Variants in SNX2 observed in about 807,000 individuals in gnomAD.
The protein encoded by SNX2 is sorting nexin-2.
SNX2 carries 25 observed loss-of-function variants against 69.9 expected under a neutral mutation model. The ratio of observed to expected loss-of-function variants is 0.36; its 90% CI spans 0.26 to 0.50. The LOEUF is 0.50. SNX2 is among the 20% of genes least tolerant of loss of function. SNX2 has a pLI of 0.97. For missense variants in SNX2, 551 were observed against 613.3 expected (o/e 0.90, Z 1.07); for synonymous variants, 229 against 200.4 (o/e 1.14, Z -1.20).
chr5:122,829,680 G>GGGCCGGGCGCGGTGGCTC lies in SNX2; in HGVS notation c.*32_*33insGGCCGGGCGCGGTGGCTC. ...GATTGTTGCCGTTAAGAAGACCTTG[G>GGGCCGGGCGCGGTGGCTC]ATGTTGTTCCAGTTATGCTGGATTC... On this transcript the variant is annotated 3_prime_UTR_variant, in exon 15 of 15. Coordinates refer to ENST00000379516, the MANE Select transcript of SNX2 (RefSeq NM_003100.4). The GGGCCGGGCGCGGTGGCTC allele has an allele frequency of 6.3e-7, 1 of 1,590,328 alleles. No individual in the cohort carries two copies. The highest frequency in any genetic ancestry group is 8.6e-7 in the Non-Finnish European group (1 of 1,158,694).
chr5:122,795,242 C>A, intron 1 of SNX2, 24 bp from the exon 2 acceptor site: 2 of 1,432,848 alleles, frequency 1.4e-6, no homozygotes, highest in South Asian at 1.2e-5. Context: ...CAATCCATTA[C>A]CTATTATTGT....
At chr5:122,817,701 C>CG (rs1284941285) in intron 10 of SNX2, among the ~76,000 whole-genome samples, 1 of 151,914 alleles carries the variant, frequency 6.6e-6, no homozygotes, top group Non-Finnish European at 1.5e-5. Flanking sequence ...AGTATAGTTA[C>CG]AGTTAAATGG....
rs1561470776 is a variant in SNX2, at chr5:122,817,267, A to T, written c.913-13A>T. On this transcript the variant is annotated splice_polypyrimidine_tract_variant and intron_variant, in intron 9 of 14. Coordinates refer to ENST00000379516, the MANE Select transcript of SNX2 (RefSeq NM_003100.4). ...TCTTCCTAAATTAGCTCCATTTTTC[A>T]TTTTTTTCTTAGTGGTTTGAAGAAA... is the stretch of plus-strand genomic sequence containing the variant. 6 of 1,610,866 alleles carry T rather than the reference A, an allele frequency of 3.7e-6. No individual in the cohort carries two copies. The South Asian group carries it at 5.5e-5, about 15-fold the overall frequency.
At chr5:122,820,595 A>G (rs1754002073) in intron 11 of SNX2, among the ~76,000 whole-genome samples, 2 of 151,984 alleles carry the variant, frequency 1.3e-5, no homozygotes, top group Admixed American at 1.3e-4. Context: ...ACCCCCTGGC[A>G]GTGATGGCCT....
chr5:122,789,641 T>A (rs1314258407), intron 1 of SNX2, among the ~76,000 whole-genome samples: 1 of 152,142 alleles, frequency 6.6e-6, no homozygotes, highest in African/African-American at 2.4e-5. Context: ...AAACAGGGAT[T>A]TATTCATATA....
intron 11 of SNX2, among the ~76,000 whole-genome samples, chr5:122,820,648 A>G (rs1292347227): frequency 6.6e-6 from 1 of 152,144 alleles, no homozygotes; most frequent in Non-Finnish European, 1.5e-5. Context: ...AGCTTTCCTC[A>G]TACCCTAAGT....
intron 1 of SNX2, chr5:122,775,514 C>A (rs568601186): frequency 9.2e-7 from 1 of 1,092,062 alleles, no homozygotes; most frequent in Non-Finnish European, 1.1e-6. Flanking sequence ...GTCTCTTGCA[C>A]GTCCTCCTCT....
intron 14 of SNX2, 175 bp downstream of exon 14, chr5:122,827,821 G>GT (rs5871011): frequency 0.062 from 27,365 of 444,248 alleles, 84 homozygotes; most frequent in South Asian, 0.094. Flanking sequence ...TATCTCACGT[G>GT]TTTTTTTTTT....
chr5:122,824,172 A>T (rs1371140153), intron 11 of SNX2, among the ~76,000 whole-genome samples: 1 of 148,800 alleles, frequency 6.7e-6, no homozygotes, highest in South Asian at 2.1e-4. Flanking sequence ...ACTGCACTCC[A>T]GCCTGGGCAA....
chr5:122,812,216 C>G (rs114146519), intron 7 of SNX2, among the ~76,000 whole-genome samples: 1,802 of 152,258 alleles, frequency 0.012, 43 homozygotes, highest in African/African-American at 0.041. Flanking sequence ...CCCCATGCCC[C>G]CATTTTACTC....
chr5:122,821,084 A>G (rs1304133549), intron 11 of SNX2, among the ~76,000 whole-genome samples: 1 of 152,230 alleles, frequency 6.6e-6, no homozygotes, highest in Non-Finnish European at 1.5e-5. Flanking sequence ...ATATTATGGA[A>G]GGAGGTGACA....
intron 10 of SNX2, 22 bp downstream of exon 10, chr5:122,817,395 C>T (rs372930896): frequency 1.7e-5 from 25 of 1,457,556 alleles, no homozygotes; most frequent in Admixed American, 5.1e-5. Flanking sequence ...TTACTACTTA[C>T]GTAGTTAGCA....
At chr5:122,790,853 C>T (rs993928658) in intron 1 of SNX2, among the ~76,000 whole-genome samples, 6 of 152,120 alleles carry the variant, frequency 3.9e-5, no homozygotes, top group Admixed American at 6.5e-5. Context: ...CCTTTTACTT[C>T]CTTTTCTTGT....
intron 14 of SNX2, 35 bp downstream of exon 14, chr5:122,827,681 A>T (rs780597165): frequency 1.3e-6 from 2 of 1,491,182 alleles, no homozygotes; most frequent in Non-Finnish European, 1.9e-6. Flanking sequence ...AAACTTCTAG[A>T]ATTTGTTTTT....
rs767140075 is a variant in SNX2, at chr5:122,801,951, T to C, written c.457+16T>C. 1.8e-5 allele frequency: 29 copies of C among 1,572,572 alleles called. No individual in the cohort carries two copies. The highest frequency in any genetic ancestry group is 6.8e-5 in the Admixed American group (4 of 59,076). ...GAAAAAGTTGGTGAGTCAATACTTA[T>C]TATATTTTGTATTTACTTTTTATTA... is the stretch of plus-strand genomic sequence containing the variant. On this transcript the variant is annotated intron_variant, in intron 4 of 14. Transcript: ENST00000379516.
At chr5:122,790,824 C>T (rs1753216740) in intron 1 of SNX2, among the ~76,000 whole-genome samples, 1 of 152,172 alleles carries the variant, frequency 6.6e-6, no homozygotes, top group South Asian at 2.1e-4. Context: ...GCAGTTGTTC[C>T]TTCTTCCCAG....
intron 7 of SNX2, among the ~76,000 whole-genome samples, chr5:122,812,352 T>C (rs1022105249): frequency 1.3e-5 from 2 of 149,178 alleles, no homozygotes; most frequent in Non-Finnish European, 3.0e-5. Flanking sequence ...ACTAACCTTT[T>C]GCTGCTTCTC....
intron 1 of SNX2, among the ~76,000 whole-genome samples, chr5:122,776,786 G>T (rs74979782): frequency 0.015 from 2,271 of 152,244 alleles, 23 homozygotes; most frequent in Non-Finnish European, 0.019. Context: ...TCTGTTGGGG[G>T]TCGTTTAGAG....
intron 1 of SNX2, among the ~76,000 whole-genome samples, chr5:122,777,787 A>G (rs906511472): frequency 3.3e-5 from 5 of 152,252 alleles, no homozygotes; most frequent in Admixed American, 6.5e-5. Context: ...TGATCAAATC[A>G]GGATAATTAG....
Sources: gnomAD v4.1 joint callset for allele counts (sites outside exome capture counted in the v4.1 genomes callset) on GRCh38, gnomAD v4.1.1 for gene constraint, MANE v1.5 for transcripts, NCBI Gene and HGNC (gene_info 2026-07-23, HGNC 2026-07-21) for gene names.